The following SNX4 variants were observed in gnomAD, a reference collection of about 807,000 sequenced individuals.
SNX4 encodes sorting nexin 4, also known as sorting nexin-4.
A neutral mutation model predicts 70.8 loss-of-function variants in SNX4; 49 were observed. The ratio of observed to expected loss-of-function variants is 0.69; its 90% CI spans 0.55 to 0.88. The LOEUF (loss-of-function observed/expected upper bound fraction) is 0.88. SNX4 is among the 40% of genes least tolerant of loss of function. The probability of loss-of-function intolerance (pLI) is 0.00; values close to 1 mark genes in which losing one functional copy is unlikely to be tolerated. For synonymous variants in SNX4, 206 were observed against 183.8 expected, an observed-to-expected ratio of 1.12 and a Z score of -0.98; for missense variants, 528 against 544.8, an observed-to-expected ratio of 0.97 and a Z score of 0.31.
chr3:125,514,990 T>TAGGAA (rs1559827653), intron 1 of SNX4, among the ~76,000 whole-genome samples: 1 of 151,550 alleles, frequency 6.6e-6, no homozygotes, highest in Non-Finnish European at 1.5e-5. Context: ...TTTAAAAATA[T>TAGGAA]AGAAAAATAT....
At chr3:125,475,049 TAC>T (rs1934259399) in intron 8 of SNX4, among the ~76,000 whole-genome samples, 1 of 152,194 alleles carries the variant, frequency 6.6e-6, no homozygotes, top group Non-Finnish European at 1.5e-5. Context: ...ACTATTCTTT[TAC>T]AGTTGACCAT....
chr3:125,490,108 G>A (rs541546296), intron 5 of SNX4, among the ~76,000 whole-genome samples: 10 of 152,110 alleles, frequency 6.6e-5, no homozygotes, highest in Non-Finnish European at 1.3e-4. Context: ...CAGCCTGGAC[G>A]ACAGAGAGAG....
intron 1 of SNX4, among the ~76,000 whole-genome samples, chr3:125,509,068 C>T (rs1165819896): frequency 6.6e-6 from 1 of 151,934 alleles, no homozygotes; most frequent in East Asian, 1.9e-4. Flanking sequence ...CGTGGTGGCT[C>T]ATGCCTGTAA....
At chr3:125,519,460 T>G (rs185661069) in intron 1 of SNX4, among the ~76,000 whole-genome samples, 35 of 152,174 alleles carry the variant, frequency 2.3e-4, no homozygotes, top group Admixed American at 2.3e-3. Flanking sequence ...TTCTCATTTG[T>G]ACCTTTTCTT....
chr3:125,506,344 CTT>C (rs552693772), intron 1 of SNX4, among the ~76,000 whole-genome samples: 25 of 137,664 alleles, frequency 1.8e-4, no homozygotes, highest in Non-Finnish European at 1.9e-4. Context: ...TTTTTCATTT[CTT>C]TTTTTTTTTT....
intron 11 of SNX4, 31 bp downstream of exon 11, chr3:125,457,235 T>C (rs764732242): frequency 6.9e-7 from 1 of 1,458,016 alleles, no homozygotes; most frequent in South Asian, 1.1e-5. Context: ...GTTGCTACAG[T>C]ATCATCAGAG....
rs750086561 is a variant in SNX4 at position 125,453,968 on chromosome 3, A to T, written c.1045-13T>A. 2.5e-6 allele frequency: 4 copies of T among 1,609,864 alleles called. No individual in the cohort carries two copies. Among genetic ancestry groups the T allele is most frequent in the Admixed American group, 3.4e-5 (2 of 59,090 alleles). The stretch of plus-strand genomic sequence containing the variant: ...ATGTTCTCACAGTCTAAAAGGAAAC[A>T]GAAACAGATGAATGGATAAACAAAA... On this transcript the variant is annotated splice_polypyrimidine_tract_variant and intron_variant, in intron 11 of 13. Transcript: ENST00000251775.
chr3:125,513,325 C>T (rs1017360771), intron 1 of SNX4, among the ~76,000 whole-genome samples: 8 of 152,154 alleles, frequency 5.3e-5, no homozygotes, highest in African/African-American at 1.7e-4. Flanking sequence ...TTCCCAGCCT[C>T]GAAGACTGTA....
chr3:125,464,562 TTC>T (rs1491008219), intron 9 of SNX4, among the ~76,000 whole-genome samples: 14 of 139,884 alleles, frequency 1.0e-4, no homozygotes, highest in African/African-American at 3.8e-4. Flanking sequence ...CTATTTATCT[TTC>T]TTTTTTTTTT....
rs1935375335 is a variant in SNX4 at position 125,520,091 on chromosome 3, C to CCAGCCCAGCGTCTGGG, written c.66_81dup (p.Gly28ProfsTer30). On this transcript the variant is annotated frameshift_variant, in exon 1 of 14. Transcript: ENST00000251775. LOFTEE classifies it high-confidence loss of function. ...TCCGCTTCCTTGCCGACCGCAGCCCCCAGCCCAGCGTCTGGGGAGCCCAGC... is the reference window on the plus strand; with the variant it reads ...TCCGCTTCCTTGCCGACCGCAGCCCCCAGCCCAGCGTCTGGGCAGCCCAGCGTCTGGGGAGCCCAGC... The CCAGCCCAGCGTCTGGG allele has an allele frequency of 2.1e-5, 32 of 1,533,204 alleles. No individual in the cohort carries two copies. The highest frequency in any genetic ancestry group is 2.8e-5 in the Non-Finnish European group (32 of 1,143,864). 95.0% of individuals were successfully genotyped at this position (1,533,204 alleles called of 1,614,324 possible). A position where few individuals can be genotyped will look rare whatever the true frequency, so the allele number is the denominator to read the frequency against.
intron 9 of SNX4, among the ~76,000 whole-genome samples, chr3:125,466,986 G>A (rs1296775889): frequency 6.6e-6 from 1 of 151,518 alleles, no homozygotes; most frequent in Non-Finnish European, 1.5e-5. Flanking sequence ...GGGAAGCTGA[G>A]GCAGAAGAAT....
chr3:125,491,316 G>T (rs1579997869), intron 5 of SNX4, among the ~76,000 whole-genome samples: 1 of 152,162 alleles, frequency 6.6e-6, no homozygotes, highest in African/African-American at 2.4e-5. Context: ...AAGTGTTCAT[G>T]ACTTCAGTCA....
chr3:125,489,612 G>C lies in SNX4; in HGVS notation c.598-149C>G, dbSNP rs1308690657. On this transcript the variant is annotated intron_variant, in intron 5 of 13. Coordinates refer to ENST00000251775, the MANE Select transcript of SNX4 (RefSeq NM_003794.4). ...CACATTAAACATGCCTAAAAAAATA[G>C]CTTAGTAATTATTTTTGAAAACACT... is the stretch of plus-strand genomic sequence containing the variant. 4.6e-6 allele frequency: 3 copies of C among 647,296 alleles called. No homozygotes were observed. In the Admixed American group the frequency reaches 8.9e-5, roughly 19 times the overall value. The allele number at this position is 647,296 out of a possible 1,614,324, so 40.1% of individuals were successfully genotyped here.
chr3:125,456,133 G>A (rs1287077333), intron 11 of SNX4, among the ~76,000 whole-genome samples: 1 of 152,162 alleles, frequency 6.6e-6, no homozygotes, highest in Non-Finnish European at 1.5e-5. Context: ...AATAACTGGA[G>A]TAGAAAGCTG....
chr3:125,478,295 C>G (rs1934329667), intron 7 of SNX4, among the ~76,000 whole-genome samples: 1 of 151,940 alleles, frequency 6.6e-6, no homozygotes, highest in Non-Finnish European at 1.5e-5. Flanking sequence ...GTCTCAAACT[C>G]CTGACCTCAA....
intron 11 of SNX4, among the ~76,000 whole-genome samples, chr3:125,456,744 T>C (rs776187031): frequency 7.2e-5 from 11 of 152,130 alleles, no homozygotes; most frequent in Non-Finnish European, 1.3e-4. Flanking sequence ...CACTGCAACC[T>C]CCGATTCCCT....
At position 125,504,524 on chromosome 3, in the gene SNX4, A is replaced by G. The variant is rs138133877; in HGVS notation, c.263+99T>C. On this transcript the variant is annotated intron_variant, in intron 2 of 13. Transcript: ENST00000251775. ...AACAAAGTCAATCCCGAAAAAAAAA[A>G]TAACCTTTAAAAAATTCTGTTATAC... The G allele has an allele frequency of 9.3e-4, 1,125 of 1,209,934 alleles. 12 individuals are homozygous for G. The African/African-American group carries it at 0.016, about 17-fold the overall frequency. 74.9% of individuals were successfully genotyped at this position (1,209,934 alleles called of 1,614,324 possible).
chr3:125,475,518 C>T (rs150353385), intron 8 of SNX4, among the ~76,000 whole-genome samples: 2 of 152,328 alleles, frequency 1.3e-5, no homozygotes, highest in East Asian at 1.9e-4. Context: ...GAGCCCACCA[C>T]CATGCCTGGC....
chr3:125,507,365 A>C (rs572475434), intron 1 of SNX4, among the ~76,000 whole-genome samples: 71 of 152,186 alleles, frequency 4.7e-4, no homozygotes, highest in African/African-American at 1.7e-3. Context: ...GAACAGAAAA[A>C]AGATGGAAGG....
Sources: gnomAD v4.1 joint callset for allele counts (sites outside exome capture counted in the v4.1 genomes callset) on GRCh38, gnomAD v4.1.1 for gene constraint, MANE v1.5 for transcripts, NCBI Gene and HGNC (gene_info 2026-07-23, HGNC 2026-07-21) for gene names.